Variants in TG observed in about 807,000 individuals in gnomAD.
The protein encoded by TG is thyroid hormones.
A neutral mutation model predicts 324.7 loss-of-function variants in TG; 270 were observed. The observed-to-expected ratio is 0.83, with a 90% CI of 0.75 to 0.92. TG has a LOEUF of 0.92. Ranked by LOEUF, TG falls within the 40% of genes least tolerant of loss-of-function variation. The probability of loss-of-function intolerance (pLI) is 0.00; values close to 1 mark genes in which losing one functional copy is unlikely to be tolerated. For missense variants in TG, 3,591 were observed against 3,456.4 expected, an observed-to-expected ratio of 1.04 and a Z score of -0.98; for synonymous variants, 1,401 against 1,327.0, an observed-to-expected ratio of 1.06 and a Z score of -1.21.
chr8:133,092,957 C>G (rs1388489579), intron 41 of TG, among the ~76,000 whole-genome samples: 1 of 152,176 alleles, frequency 6.6e-6, no homozygotes, highest in African/African-American at 2.4e-5. Context: ...CTCACCATAT[C>G]AGGATCCCTG....
At chr8:132,875,451 C>T (rs572513519) in intron 5 of TG, among the ~76,000 whole-genome samples, 2 of 152,316 alleles carry the variant, frequency 1.3e-5, no homozygotes, top group East Asian at 3.9e-4. Context: ...AAGGAACTCA[C>T]CCTAGTAAGC....
intron 21 of TG, among the ~76,000 whole-genome samples, chr8:132,920,537 C>T (rs1820955800): frequency 6.6e-6 from 1 of 152,198 alleles, no homozygotes; most frequent in South Asian, 2.1e-4. Flanking sequence ...AATAGAGTGT[C>T]CTTGACATCT....
At chr8:133,044,524 T>A (rs1465680596) in intron 41 of TG, among the ~76,000 whole-genome samples, 1 of 152,194 alleles carries the variant, frequency 6.6e-6, no homozygotes, top group Non-Finnish European at 1.5e-5. Flanking sequence ...ACCCTTGGCA[T>A]GCTCTGAGCA....
At chr8:132,927,682 A>G (rs1322292470) in intron 22 of TG, among the ~76,000 whole-genome samples, 1 of 152,244 alleles carries the variant, frequency 6.6e-6, no homozygotes, top group Non-Finnish European at 1.5e-5. Context: ...TCTGAAAACC[A>G]GCAGATTCTC....
intron 23 of TG, among the ~76,000 whole-genome samples, chr8:132,932,842 G>A (rs1340337970): frequency 6.6e-6 from 1 of 152,218 alleles, no homozygotes; most frequent in Admixed American, 6.5e-5. Context: ...ATGGGACATA[G>A]CCTTGAACAA....
intron 41 of TG, among the ~76,000 whole-genome samples, chr8:133,090,878 C>T (rs1031006466): frequency 3.3e-5 from 5 of 152,108 alleles, no homozygotes; most frequent in Non-Finnish European, 5.9e-5. Context: ...CCCCGCACCC[C>T]CCGGGAACAG....
At chr8:133,079,489 G>A (rs73350758) in intron 41 of TG, among the ~76,000 whole-genome samples, 3,674 of 152,074 alleles carry the variant, frequency 0.024, 153 homozygotes, top group African/African-American at 0.084. Flanking sequence ...GTGTTGATGG[G>A]TTTCCCAGGG....
intron 41 of TG, among the ~76,000 whole-genome samples, chr8:133,090,730 A>C (rs1373379193): frequency 6.6e-6 from 1 of 152,176 alleles, no homozygotes; most frequent in Non-Finnish European, 1.5e-5. Flanking sequence ...TGATCATAAT[A>C]TCTCCATTTT....
At chr8:133,066,496 C>G (rs1843060650) in intron 41 of TG, among the ~76,000 whole-genome samples, 1 of 152,156 alleles carries the variant, frequency 6.6e-6, no homozygotes, top group Non-Finnish European at 1.5e-5. Context: ...TCCAAGGACT[C>G]TCTCTGGGTA....
At chr8:133,000,042 G>T (rs1833299165) in intron 35 of TG, among the ~76,000 whole-genome samples, 1 of 152,178 alleles carries the variant, frequency 6.6e-6, no homozygotes, top group South Asian at 2.1e-4. Context: ...GGTTGAAAAA[G>T]CCCTGTTTTA....
intron 26 of TG, among the ~76,000 whole-genome samples, chr8:132,946,518 G>A (rs1825325289): frequency 6.6e-6 from 1 of 152,160 alleles, no homozygotes; most frequent in Non-Finnish European, 1.5e-5. Flanking sequence ...TGGATCTGCT[G>A]ACGACCAGGA....
intron 21 of TG, 104 bp downstream of exon 21, chr8:132,919,629 T>C: frequency 6.6e-7 from 1 of 1,525,826 alleles, no homozygotes; most frequent in Non-Finnish European, 9.0e-7. Context: ...GACAGATAAT[T>C]CTTTGTGCAG....
At chr8:132,983,189 C>T (rs1831103048) in intron 34 of TG, among the ~76,000 whole-genome samples, 161 bp from the exon 35 acceptor site, 1 of 152,126 alleles carries the variant, frequency 6.6e-6, no homozygotes, top group East Asian at 1.9e-4. Context: ...TTTGTTAGCT[C>T]AGCATCATCC....
intron 43 of TG, among the ~76,000 whole-genome samples, chr8:133,097,171 C>T (rs1019954890): frequency 3.3e-5 from 5 of 152,174 alleles, no homozygotes; most frequent in African/African-American, 1.2e-4. Context: ...TCTCTGTTGG[C>T]TCTGTTGAAT....
At chr8:133,074,144 T>G (rs1844507635) in intron 41 of TG, among the ~76,000 whole-genome samples, 1 of 152,214 alleles carries the variant, frequency 6.6e-6, no homozygotes, top group South Asian at 2.1e-4. Context: ...CTCTTCCAAC[T>G]CTAACATGCT....
At chr8:132,984,290 G>A (rs927880445) in intron 35 of TG, among the ~76,000 whole-genome samples, 1 of 152,228 alleles carries the variant, frequency 6.6e-6, no homozygotes, top group Non-Finnish European at 1.5e-5. Flanking sequence ...AACCAGGGCT[G>A]TGGCTAAAAG....
intron 8 of TG, 133 bp downstream of exon 8, chr8:132,883,132 T>C (rs1221569875): frequency 1.1e-6 from 1 of 917,534 alleles, no homozygotes; most frequent in African/African-American, 1.7e-5. Context: ...AAGCTCAACC[T>C]GTCTGAGAAC....
chr8:132,933,819 ATGGGAC>A, intron 24 of TG, 143 bp downstream of exon 24: 1 of 783,576 alleles, frequency 1.3e-6, no homozygotes, highest in South Asian at 1.5e-5. Flanking sequence ...CTTCAAAGCA[ATGGGAC>A]TTTGGCAAAT....
chr8:132,890,357 G>A (rs909357), intron 10 of TG, among the ~76,000 whole-genome samples: 13,383 of 152,008 alleles, frequency 0.088, 846 homozygotes, highest in East Asian at 0.35. Flanking sequence ...TTTTGGGGGG[G>A]GTGCATATTC....
Sources: gnomAD v4.1 joint callset for allele counts (sites outside exome capture counted in the v4.1 genomes callset) on GRCh38, gnomAD v4.1.1 for gene constraint, MANE v1.5 for transcripts, NCBI Gene and HGNC (gene_info 2026-07-23, HGNC 2026-07-21) for gene names.